FGF14: variants seen among roughly 807,000 people sequenced by gnomAD.
FGF14 encodes the protein fibroblast growth factor homologous factor 4.
A neutral mutation model predicts 25.5 loss-of-function variants in FGF14; 5 were observed. The ratio of observed to expected loss-of-function variants is 0.20; its 90% CI spans 0.10 to 0.41. FGF14 has a LOEUF of 0.41. FGF14 is among the 10% of genes least tolerant of loss of function. The pLI is 1.00. For missense variants in FGF14, 222 were observed against 320.1 expected, an observed-to-expected ratio of 0.69 and a Z score of 2.34; for synonymous variants, 138 against 118.3, an observed-to-expected ratio of 1.17 and a Z score of -1.08.
At chr13:101,875,687 T>C (rs914627560) in intron 1 of FGF14, among the ~76,000 whole-genome samples, 1 of 152,014 alleles carries the variant, frequency 6.6e-6, no homozygotes, top group Non-Finnish European at 1.5e-5. Context: ...TATTAAAAGG[T>C]TTTTTAATGG....
intron 1 of FGF14, among the ~76,000 whole-genome samples, chr13:101,988,302 G>C (rs558833325): frequency 6.6e-6 from 1 of 152,018 alleles, no homozygotes; most frequent in South Asian, 2.1e-4. Flanking sequence ...GATGATGGCA[G>C]GTTCATCAAA....
At chr13:101,738,956 GTA>G (rs60594991) in intron 3 of FGF14, among the ~76,000 whole-genome samples, 25,397 of 145,936 alleles carry the variant, frequency 0.17, 2,533 homozygotes, top group African/African-American at 0.27. Context: ...GTGTGTGTGT[GTA>G]TATATATATA....
chr13:102,044,205 G>C (rs1249549198), intron 1 of FGF14, among the ~76,000 whole-genome samples: 1 of 152,128 alleles, frequency 6.6e-6, no homozygotes, highest in African/African-American at 2.4e-5. Context: ...ACTCCATAGG[G>C]AGCTGCAGTT....
chr13:102,381,398 G>A (rs980606334), intron 1 of FGF14, among the ~76,000 whole-genome samples: 1 of 152,304 alleles, frequency 6.6e-6, no homozygotes. Context: ...CCTCAGGAAT[G>A]GGATTGGTGC....
intron 3 of FGF14, among the ~76,000 whole-genome samples, chr13:101,800,329 T>C (rs981685973): frequency 2.0e-5 from 3 of 152,132 alleles, no homozygotes; most frequent in Non-Finnish European, 4.4e-5. Flanking sequence ...TAAAAACAAA[T>C]GAGAATTGAC....
intron 1 of FGF14, among the ~76,000 whole-genome samples, chr13:101,879,800 A>T (rs2045599368): frequency 6.6e-6 from 1 of 152,194 alleles, no homozygotes; most frequent in Admixed American, 6.5e-5. Context: ...TTTGTAATGT[A>T]CATTTTTGCA....
intron 1 of FGF14, among the ~76,000 whole-genome samples, chr13:101,947,849 ATTG>A (rs963146544): frequency 6.6e-6 from 1 of 152,228 alleles, no homozygotes; most frequent in African/African-American, 2.4e-5. Flanking sequence ...GAAGAAAAAA[ATTG>A]TTGTTTCCAA....
In FGF14 at chr13:101,718,791, A is replaced by AC. The variant is rs1402991696; in HGVS notation, c.*4039_*4040insG. On this transcript the variant is annotated 3_prime_UTR_variant, in exon 5 of 5. Coordinates refer to ENST00000376143, the MANE Select transcript of FGF14 (RefSeq NM_004115.4). ...CTTAGTGAAAACCAGGAAAAAAAAA[A>AC]AAAACTAAAATATAACTCAGCCTTA... 2 of 152,030 alleles carry AC rather than the reference A, an allele frequency of 1.3e-5. No homozygotes were observed. Among genetic ancestry groups the AC allele is most frequent in the African/African-American group, 4.8e-5 (2 of 41,392 alleles). 9.4% of individuals were successfully genotyped at this position (152,030 alleles called of 1,614,324 possible). A position where few individuals can be genotyped will look rare whatever the true frequency, so the allele number is the denominator to read the frequency against.
rs967898422 is a variant in FGF14 at position 102,261,790 on chromosome 13, G to A, written c.208+139681C>T. On this transcript the variant is annotated intron_variant, in intron 1 of 4. Transcript: ENST00000376131. ...TTCCTATTGAATTTTAAATAAAGAA[G>A]AAAATATTACCCTAAAAATAAAATA... is the stretch of plus-strand genomic sequence containing the variant. Among the ~76,000 whole-genome samples the A allele has an allele frequency of 6.6e-5, 10 of 152,116 alleles. No individual in the cohort carries two copies. In the East Asian group the frequency reaches 1.9e-3, roughly 29 times the overall value.
intron 1 of FGF14, among the ~76,000 whole-genome samples, chr13:102,193,860 G>A (rs1185846456): frequency 1.3e-5 from 2 of 150,744 alleles, no homozygotes; most frequent in Admixed American, 6.6e-5. Flanking sequence ...AACAAACAGG[G>A]GAATATGGCC....
intron 1 of FGF14, among the ~76,000 whole-genome samples, chr13:102,386,186 G>A (rs975564483): frequency 2.0e-5 from 3 of 147,088 alleles, no homozygotes; most frequent in Non-Finnish European, 4.5e-5. Flanking sequence ...AGGCTGGAGT[G>A]CAGTGGAGCA....
chr13:101,730,354 C>T (rs1001797551), intron 3 of FGF14, among the ~76,000 whole-genome samples: 2 of 151,994 alleles, frequency 1.3e-5, no homozygotes, highest in African/African-American at 4.8e-5. Context: ...AAATAGAGAA[C>T]CAGAACACAC....
chr13:102,235,261 A>G (rs2051277559), intron 1 of FGF14, among the ~76,000 whole-genome samples: 1 of 152,216 alleles, frequency 6.6e-6, no homozygotes, highest in Admixed American at 6.5e-5. Context: ...ATCATGTAGG[A>G]TAATATTAAA....
intron 3 of FGF14, among the ~76,000 whole-genome samples, chr13:101,740,437 A>G (rs1220895860): frequency 6.6e-6 from 1 of 152,338 alleles, no homozygotes; most frequent in South Asian, 2.1e-4. Flanking sequence ...AGAAAAAAAC[A>G]TAACAGTTGT....
At chr13:102,321,852 C>A (rs1011641044) in intron 1 of FGF14, among the ~76,000 whole-genome samples, 5 of 152,264 alleles carry the variant, frequency 3.3e-5, no homozygotes, top group African/African-American at 9.6e-5. Context: ...TAATTTAGCA[C>A]CCCCTGCCAA....
intron 3 of FGF14, among the ~76,000 whole-genome samples, chr13:101,832,100 T>C (rs2042698553): frequency 6.6e-6 from 1 of 152,088 alleles, no homozygotes; most frequent in Non-Finnish European, 1.5e-5. Context: ...CCATCACATA[T>C]GTCTCCTCGT....
chr13:101,756,740 C>CA (rs1041893937), intron 3 of FGF14, among the ~76,000 whole-genome samples: 4 of 151,372 alleles, frequency 2.6e-5, no homozygotes, highest in African/African-American at 7.3e-5. Context: ...CCTCCACCAC[C>CA]AAAAAAACAA....
chr13:102,363,708 T>A (rs2057630412), intron 1 of FGF14, among the ~76,000 whole-genome samples: 3 of 152,244 alleles, frequency 2.0e-5, no homozygotes, highest in Admixed American at 2.0e-4. Context: ...GATGTCTCCA[T>A]CATCTGCCTG....
chr13:101,804,719 T>C (rs1361796801), intron 3 of FGF14, among the ~76,000 whole-genome samples: 1 of 152,178 alleles, frequency 6.6e-6, no homozygotes, highest in African/African-American at 2.4e-5. Context: ...CATACACTAA[T>C]GTATATTCCA....
Sources: allele counts gnomAD v4.1 joint callset (sites outside exome capture counted in the v4.1 genomes callset), GRCh38; gene constraint gnomAD v4.1.1; transcripts MANE v1.5; gene names NCBI Gene and HGNC (gene_info 2026-07-23, HGNC 2026-07-21).